CIPC: variants seen among roughly 807,000 people sequenced by gnomAD.
CIPC encodes CLOCK-interacting pacemaker.
A neutral mutation model predicts 26.7 loss-of-function variants in CIPC; 12 were observed. The observed-to-expected ratio is 0.45, with a 90% confidence interval of 0.29 to 0.73. CIPC has a LOEUF of 0.73. Ranked by LOEUF, CIPC falls within the 30% of genes least tolerant of loss-of-function variation. The probability of loss-of-function intolerance (pLI) is 0.12; values close to 1 mark genes in which losing one functional copy is unlikely to be tolerated. For missense variants in CIPC, 417 were observed against 486.5 expected (o/e 0.86, Z 1.34); for synonymous variants, 170 against 189.8 (o/e 0.90, Z 0.86).
chr14:77,109,709 C>A, intron 2 of CIPC, 103 bp from the exon 3 acceptor site: 1 of 1,043,432 alleles, frequency 9.6e-7, no homozygotes, highest in Non-Finnish European at 1.4e-6. Flanking sequence ...AAACACATCA[C>A]AAGTGTTGCA....
intron 2 of CIPC, among the ~76,000 whole-genome samples, chr14:77,107,823 A>G (rs1886621246): frequency 6.6e-6 from 1 of 152,072 alleles, no homozygotes; most frequent in African/African-American, 2.4e-5. Context: ...GCTACACTCC[A>G]TATTCAGATT....
intron 2 of CIPC, chr14:77,106,108 G>T: frequency 3.7e-6 from 1 of 269,064 alleles, no homozygotes; most frequent in Non-Finnish European, 6.9e-6. Flanking sequence ...ATTGGTCACT[G>T]GAAAAAATAT....
chr14:77,110,599 G>A (rs1444743136), intron 3 of CIPC, among the ~76,000 whole-genome samples: 2 of 152,144 alleles, frequency 1.3e-5, no homozygotes, highest in African/African-American at 4.8e-5. Flanking sequence ...TATGATTATT[G>A]TTTAGATATG....
chr14:77,103,655 T>C (rs1307831533), intron 1 of CIPC, among the ~76,000 whole-genome samples: 1 of 152,206 alleles, frequency 6.6e-6, no homozygotes, highest in Non-Finnish European at 1.5e-5. Flanking sequence ...GAAGGGCCAA[T>C]TGGTCTTATT....
At chr14:77,100,164 T>C (rs1886450079) in intron 1 of CIPC, among the ~76,000 whole-genome samples, 1 of 152,212 alleles carries the variant, frequency 6.6e-6, no homozygotes, top group African/African-American at 2.4e-5. Context: ...GCTAAATGCT[T>C]TGGAGCACTT....
intron 1 of CIPC, among the ~76,000 whole-genome samples, chr14:77,101,678 T>A (rs1886487912): frequency 6.6e-6 from 1 of 152,208 alleles, no homozygotes; most frequent in East Asian, 1.9e-4. Flanking sequence ...AAGTTTTTTT[T>A]ATGACACAGG....
At chr14:77,108,702 AGG>A (rs1251394947) in intron 2 of CIPC, among the ~76,000 whole-genome samples, 2 of 151,794 alleles carry the variant, frequency 1.3e-5, no homozygotes, top group African/African-American at 4.8e-5. Flanking sequence ...AAAAAAAAAA[AGG>A]GGGTGATCTT....
chr14:77,103,375 G>C (rs1886529537), intron 1 of CIPC, among the ~76,000 whole-genome samples: 1 of 152,218 alleles, frequency 6.6e-6, no homozygotes, highest in South Asian at 2.1e-4. Context: ...GGGTATTCCA[G>C]ATACAGTGGT....
chr14:77,107,656 A>ACTCTCTCT lies in CIPC; in HGVS notation c.136+1813_136+1814insTCTCTCTC, dbSNP rs796858886. ...CACACACACACACACACACACACAC[A>ACTCTCTCT]CACTCTCTCTCTGAATTATTTGAAA... is the stretch of plus-strand genomic sequence containing the variant. On this transcript the variant is annotated intron_variant, in intron 2 of 3. Transcript: ENST00000361786. Among the ~76,000 whole-genome samples, 966 of 127,130 alleles carry ACTCTCTCT rather than the reference A, an allele frequency of 7.6e-3. 4 individuals are homozygous for ACTCTCTCT. The highest frequency in any genetic ancestry group is 0.011 in the Non-Finnish European group (646 of 59,320). 83.4% of individuals were successfully genotyped at this position (127,130 alleles called of 152,430 possible).
chr14:77,102,075 G>A (rs1886499037), intron 1 of CIPC, among the ~76,000 whole-genome samples: 1 of 148,888 alleles, frequency 6.7e-6, no homozygotes, highest in Admixed American at 6.8e-5. Flanking sequence ...AACAGCGTGT[G>A]ATCCATCTAT....
At chr14:77,102,973 A>G (rs1886520815) in intron 1 of CIPC, among the ~76,000 whole-genome samples, 1 of 152,246 alleles carries the variant, frequency 6.6e-6, no homozygotes, top group South Asian at 2.1e-4. Context: ...CATGCTGTCA[A>G]ATTTCATAGC....
intron 2 of CIPC, among the ~76,000 whole-genome samples, chr14:77,107,855 G>A (rs1188833944): frequency 6.6e-6 from 1 of 152,116 alleles, no homozygotes; most frequent in Admixed American, 6.5e-5. Context: ...TCCCAATAAT[G>A]TCCTTTATAG....
intron 2 of CIPC, among the ~76,000 whole-genome samples, chr14:77,109,442 G>A (rs912942687): frequency 6.6e-6 from 1 of 152,084 alleles, no homozygotes; most frequent in African/African-American, 2.4e-5. Flanking sequence ...GGCCATACTC[G>A]TCTCCTTTCT....
chr14:77,108,586 G>A (rs1042647077), intron 2 of CIPC, among the ~76,000 whole-genome samples: 2 of 152,054 alleles, frequency 1.3e-5, no homozygotes, highest in Non-Finnish European at 2.9e-5. Context: ...AGCTGCTCGG[G>A]AGGCTGAGGC....
intron 1 of CIPC, among the ~76,000 whole-genome samples, chr14:77,099,528 TA>T (rs998818355): frequency 1.4e-4 from 22 of 152,366 alleles, no homozygotes; most frequent in Middle Eastern, 6.8e-3. Flanking sequence ...AATGTATTTA[TA>T]ATTCTAACGG....
chr14:77,113,583 C>T lies in CIPC; in HGVS notation c.465C>T (p.Pro155=), dbSNP rs776703877. 6.2e-6 allele frequency: 10 copies of T among 1,614,234 alleles called. No individual in the cohort carries two copies. In the East Asian group the frequency reaches 1.8e-4, roughly 29 times the overall value. Residue 155 remains proline (P), a synonymous_variant, in exon 4 of 4, where the codon CCC becomes CCT. Transcript: ENST00000361786. ...EKKSDSRNYL[P]ILNSYTKIAP... ...AGTCCGACTCCAGGAACTACTTGCC[C>T]ATTCTGAATTCTTACACCAAAATAG...
At chr14:77,103,799 G>A (rs1003274383) in intron 1 of CIPC, among the ~76,000 whole-genome samples, 3 of 152,112 alleles carry the variant, frequency 2.0e-5, no homozygotes, top group African/African-American at 7.2e-5. Context: ...ATGACCCACA[G>A]TAACTTCAGT....
chr14:77,101,805 G>T (rs990946366), intron 1 of CIPC, among the ~76,000 whole-genome samples: 2 of 152,200 alleles, frequency 1.3e-5, no homozygotes, highest in East Asian at 3.8e-4. Flanking sequence ...GTATGATCTG[G>T]CTGGGCATGG....
intron 1 of CIPC, chr14:77,098,570 G>C (rs531731427): frequency 2.0e-5 from 3 of 153,192 alleles, no homozygotes; most frequent in African/African-American, 7.2e-5. Context: ...GTGGGAGAGG[G>C]AATCGCGGGT....
Sources: allele counts gnomAD v4.1 joint callset (sites outside exome capture counted in the v4.1 genomes callset), GRCh38; gene constraint gnomAD v4.1.1; transcripts MANE v1.5; gene names NCBI Gene and HGNC (gene_info 2026-07-23, HGNC 2026-07-21).